AZIN2: variants seen among roughly 807,000 people sequenced by gnomAD.
AZIN2 encodes the protein antizyme inhibitor 2, also known as ODC antizyme inhibitor-2.
In AZIN2, 28 loss-of-function variants were observed where a neutral mutation model predicts 47.8. That is an observed-to-expected ratio of 0.59 (90% CI 0.43 to 0.80). AZIN2 has a LOEUF of 0.80. AZIN2 is among the 30% of genes least tolerant of loss of function. AZIN2 has a pLI of 0.00. For missense variants in AZIN2, 535 were observed against 582.5 expected, an observed-to-expected ratio of 0.92 and a Z score of 0.84; for synonymous variants, 221 against 239.4, an observed-to-expected ratio of 0.92 and a Z score of 0.71.
At chr1:33,159,569 A>C in the AZIN2 span, 800 of 1,383,082 alleles carry the variant, frequency 5.8e-4, 14 homozygotes, top group South Asian at 0.011. The surrounding 1 kb of genome is among the most constrained non-coding windows in gnomAD (Gnocchi z 4.2). Flanking sequence ...TAAATGTTTG[A>C]TGAAGATTTG....
At chr1:33,129,837 AGAG>A in the AZIN2 span, among the ~76,000 whole-genome samples, 12 of 152,210 alleles carry the variant, frequency 7.9e-5, no homozygotes, top group African/African-American at 1.9e-4. This position sits in a 1 kb window ranked among gnomAD's most constrained non-coding sequence, Gnocchi z 4.1. Context: ...AGCGGGGGAG[AGAG>A]GAGGTCAGCT....
chr1:33,087,380 G>A (rs1339879273), intron 5 of AZIN2, among the ~76,000 whole-genome samples: 4 of 151,652 alleles, frequency 2.6e-5, no homozygotes, highest in Admixed American at 6.6e-5. Context: ...TGATCCACCC[G>A]CCTCGGCCTC....
chr1:33,086,088 A>T (rs1641862487), intron 5 of AZIN2, among the ~76,000 whole-genome samples: 1 of 152,064 alleles, frequency 6.6e-6, no homozygotes, highest in Non-Finnish European at 1.5e-5. Context: ...GCTGAGAGAG[A>T]CCTTGATGAC....
rs372215230 is a variant in AZIN2, at chr1:33,108,106, C to T, written c.1030-9796C>T. Among the ~76,000 whole-genome samples the T allele has an allele frequency of 4.6e-5, 7 of 152,250 alleles. No homozygotes were observed. The East Asian group carries it at 1.2e-3, about 25-fold the overall frequency. The stretch of plus-strand genomic sequence containing the variant: ...GAAAGCTATAAAGTAAGCAAAACTG[C>T]ATGGTACTGGCATAAAAACGAACAT... On this transcript the variant is annotated intron_variant, in intron 10 of 11. Coordinates refer to ENST00000294517, the MANE Select transcript of AZIN2 (RefSeq NM_052998.4).
the AZIN2 span, among the ~76,000 whole-genome samples, chr1:33,134,922 G>T: frequency 6.6e-6 from 1 of 152,186 alleles, no homozygotes; most frequent in South Asian, 2.1e-4. Context: ...CTGCTTTCCC[G>T]CTGGGTTCCC....
the AZIN2 span, among the ~76,000 whole-genome samples, chr1:33,134,950 G>A: frequency 1.3e-5 from 2 of 152,190 alleles, no homozygotes; most frequent in East Asian, 3.9e-4. Flanking sequence ...CTCCAGCTGT[G>A]TTTCACTCCA....
chr1:33,151,860 C>T, the AZIN2 span, among the ~76,000 whole-genome samples: 10 of 152,326 alleles, frequency 6.6e-5, no homozygotes, highest in East Asian at 1.5e-3. Context: ...AAAGCCCTCC[C>T]GGGGCACAGC....
chr1:33,083,704 A>G (rs1447444327), intron 4 of AZIN2: 1 of 542,128 alleles, frequency 1.8e-6, no homozygotes, highest in African/African-American at 1.9e-5. Flanking sequence ...AAGGTGGGAA[A>G]ATGATCCAGC....
downstream of AZIN2, among the ~76,000 whole-genome samples, chr1:33,126,381 T>C (rs1002477318): frequency 1.3e-5 from 2 of 152,234 alleles, no homozygotes; most frequent in Non-Finnish European, 2.9e-5. Context: ...CTCTAAATAC[T>C]TGTCTTCCTG....
chr1:33,161,926 A>C, the AZIN2 span, among the ~76,000 whole-genome samples: 1 of 152,044 alleles, frequency 6.6e-6, no homozygotes, highest in Non-Finnish European at 1.5e-5. The surrounding 1 kb of genome is among the most constrained non-coding windows in gnomAD (Gnocchi z 4.3). Context: ...CCTCACCCTG[A>C]ACACCTGCCC....
chr1:33,162,594 A>G, the AZIN2 span, among the ~76,000 whole-genome samples: 1 of 152,144 alleles, frequency 6.6e-6, no homozygotes, highest in Non-Finnish European at 1.5e-5. Context: ...AGGAGGGAAG[A>G]GTCTTGTCTG....
At chr1:33,147,136 T>C in the AZIN2 span, 1 of 1,591,558 alleles carries the variant, frequency 6.3e-7, no homozygotes, top group East Asian at 2.2e-5. The surrounding 1 kb of genome is among the most constrained non-coding windows in gnomAD (Gnocchi z 8.1). Flanking sequence ...CTCTTGCAGG[T>C]GGCAGTGGTC....
In AZIN2 at chr1:33,098,052, C is replaced by A; in HGVS notation, c.917-15C>A. On this transcript the variant is annotated splice_polypyrimidine_tract_variant and intron_variant, in intron 9 of 11. Transcript: ENST00000294517. ...ATTGCTACTTGTGCTGCCTCTGAACCCTCCCCTCCTGCAGAGGAAAATGGT... is the reference window on the plus strand; with the variant it reads ...ATTGCTACTTGTGCTGCCTCTGAACACTCCCCTCCTGCAGAGGAAAATGGT... The A allele has an allele frequency of 6.3e-7, 1 of 1,598,860 alleles. No homozygotes were observed. The highest frequency in any genetic ancestry group is 8.6e-7 in the Non-Finnish European group (1 of 1,166,112).
chr1:33,093,890 A>G (rs1187200369), intron 7 of AZIN2, among the ~76,000 whole-genome samples: 1 of 151,638 alleles, frequency 6.6e-6, no homozygotes. Context: ...GTGCATTACC[A>G]CACCTGACTA....
At chr1:33,152,849 C>T in the AZIN2 span, among the ~76,000 whole-genome samples, 5 of 151,948 alleles carry the variant, frequency 3.3e-5, no homozygotes, top group Non-Finnish European at 7.4e-5. Flanking sequence ...TAGCAGGGGG[C>T]GGGGAGAGCA....
the AZIN2 span, among the ~76,000 whole-genome samples, chr1:33,149,480 G>C: frequency 6.6e-6 from 1 of 151,630 alleles, no homozygotes; most frequent in Non-Finnish European, 1.5e-5. Context: ...ATACAGACAG[G>C]GTCTCACTCT....
chr1:33,157,554 A>G, the AZIN2 span, among the ~76,000 whole-genome samples: 2,467 of 151,816 alleles, frequency 0.016, 81 homozygotes, highest in African/African-American at 0.056. Context: ...TCTACTTTCT[A>G]TCTCACACCC....
chr1:33,166,489 C>A, the AZIN2 span, among the ~76,000 whole-genome samples: 1 of 152,128 alleles, frequency 6.6e-6, no homozygotes, highest in African/African-American at 2.4e-5. Context: ...GTGGGCTGGG[C>A]ACAGTTCTTA....
In AZIN2 at chr1:33,082,362, G is replaced by T. The variant is rs1190793246; in HGVS notation, c.105+8G>T. On this transcript the variant is annotated splice_region_variant and intron_variant, in intron 4 of 11. Coordinates refer to ENST00000294517, the MANE Select transcript of AZIN2 (RefSeq NM_052998.4). ...GCCTCACAGGCCACCACGGTGAGGG[G>T]CTGGGAATGGGGGTGGGTCCCCGGT... The T allele has an allele frequency of 1.2e-6, 2 of 1,610,452 alleles. No individual in the cohort carries two copies. The highest frequency in any genetic ancestry group is 1.7e-6 in the Non-Finnish European group (2 of 1,177,798).
Sources: allele counts gnomAD v4.1 joint callset (sites outside exome capture counted in the v4.1 genomes callset), GRCh38; gene constraint gnomAD v4.1.1; non-coding constraint Gnocchi (gnomAD v3.1); transcripts MANE v1.5; gene names NCBI Gene and HGNC (gene_info 2026-07-23, HGNC 2026-07-21).